Variants in LIMCH1 observed in about 807,000 individuals in gnomAD.
The protein encoded by LIMCH1 is LIM and calponin homology domains-containing protein 1.
In LIMCH1, 113 loss-of-function variants were observed where a neutral mutation model predicts 176.5. The ratio of observed to expected loss-of-function variants is 0.64; its 90% CI spans 0.55 to 0.75. LIMCH1 has a LOEUF of 0.75. Ranked by LOEUF, LIMCH1 falls within the 30% of genes least tolerant of loss-of-function variation. LIMCH1 has a pLI of 0.00. For missense variants in LIMCH1, 1,674 were observed against 1,814.9 expected (o/e 0.92, Z 1.41); for synonymous variants, 619 against 645.9 (o/e 0.96, Z 0.63).
chr4:41,661,235 C>T (rs2094606734), intron 18 of LIMCH1, among the ~76,000 whole-genome samples, 185 bp from the exon 19 acceptor site: 1 of 152,148 alleles, frequency 6.6e-6, no homozygotes, highest in South Asian at 2.1e-4. Flanking sequence ...CATGGGTGTC[C>T]TGTTCTCCAT....
chr4:41,396,362 T>G (rs13116757), intron 1 of LIMCH1, among the ~76,000 whole-genome samples: 60,003 of 151,956 alleles, frequency 0.39, 14,134 homozygotes, highest in African/African-American at 0.66. Context: ...CTACTAAACC[T>G]CTCTTCTTTA....
chr4:41,680,123 T>C (rs769325343), intron 24 of LIMCH1, 25 bp downstream of exon 24: 2 of 1,497,378 alleles, frequency 1.3e-6, no homozygotes, highest in South Asian at 1.2e-5. Context: ...AGAAGGAATT[T>C]GACCTTGTCA....
rs2094617533 is a variant in LIMCH1, at chr4:41,661,517, T to C, written c.3127+7T>C. On this transcript the variant is annotated splice_region_variant and intron_variant, in intron 19 of 31. Transcript: ENST00000503057. ...ATAGAACTTGCCTCATCAGGTTTGT[T>C]TCATAAGAGACTAGTTTTAAGGCAA... 1 of 1,572,408 alleles carries C rather than the reference T, an allele frequency of 6.4e-7. No homozygotes were observed. The highest frequency in any genetic ancestry group is 8.7e-7 in the Non-Finnish European group (1 of 1,143,866).
At chr4:41,597,560 C>A (rs1030058671) in intron 1 of LIMCH1, among the ~76,000 whole-genome samples, 5 of 152,162 alleles carry the variant, frequency 3.3e-5, no homozygotes, top group African/African-American at 7.2e-5. Context: ...CAGGGTCCTG[C>A]AGGACTGAAA....
intron 1 of LIMCH1, among the ~76,000 whole-genome samples, chr4:41,433,305 GA>G (rs982834298): frequency 1.3e-5 from 2 of 152,170 alleles, no homozygotes; most frequent in Non-Finnish European, 2.9e-5. Context: ...TTTTGGGGGG[GA>G]AACACTTGAA....
chr4:41,639,022 T>G, intron 14 of LIMCH1, 55 bp downstream of exon 14: 3 of 1,278,576 alleles, frequency 2.3e-6, no homozygotes, highest in South Asian at 1.4e-5. Context: ...AACTGCATGC[T>G]TCCAGTACTT....
chr4:41,458,583 G>A (rs2064902648), intron 1 of LIMCH1, among the ~76,000 whole-genome samples: 1 of 151,874 alleles, frequency 6.6e-6, no homozygotes. Context: ...AGACCATCCT[G>A]GCCAACATGG....
chr4:41,559,140 T>C (rs2081712624), intron 1 of LIMCH1, among the ~76,000 whole-genome samples: 1 of 152,206 alleles, frequency 6.6e-6, no homozygotes, highest in Non-Finnish European at 1.5e-5. Flanking sequence ...TGTTGTCTTT[T>C]AAATACAGTA....
intron 1 of LIMCH1, among the ~76,000 whole-genome samples, chr4:41,550,050 A>T (rs1487563252): frequency 6.6e-6 from 1 of 151,684 alleles, no homozygotes; most frequent in African/African-American, 2.4e-5. Flanking sequence ...TTACTTTTGT[A>T]CCAACCTAAT....
At chr4:41,498,372 A>T (rs1039541974) in intron 2 of LIMCH1, among the ~76,000 whole-genome samples, 1 of 152,236 alleles carries the variant, frequency 6.6e-6, no homozygotes, top group African/African-American at 2.4e-5. Context: ...ATACTAATAC[A>T]TAAATGTATA....
intron 21 of LIMCH1, 87 bp downstream of exon 21, chr4:41,666,753 C>A: frequency 1.2e-6 from 1 of 850,528 alleles, no homozygotes; most frequent in Non-Finnish European, 1.9e-6. Context: ...AGATTACGTC[C>A]TTTATGTTGC....
chr4:41,623,361 A>T (rs752487281), intron 7 of LIMCH1, among the ~76,000 whole-genome samples: 6 of 152,210 alleles, frequency 3.9e-5, no homozygotes, highest in African/African-American at 7.2e-5. Context: ...TGCAGAGATG[A>T]TTGAGATAAT....
At chr4:41,692,441 G>A (rs1586086134) in intron 31 of LIMCH1, 57 bp downstream of exon 31, 1 of 1,083,528 alleles carries the variant, frequency 9.2e-7, no homozygotes, top group Non-Finnish European at 1.4e-6. Flanking sequence ...GTCTTCCATA[G>A]GACCCAATTT....
intron 1 of LIMCH1, among the ~76,000 whole-genome samples, chr4:41,366,581 A>G (rs1399294570): frequency 1.3e-5 from 2 of 152,244 alleles, no homozygotes; most frequent in African/African-American, 2.4e-5. Context: ...AAAGGAAGGG[A>G]TAATAGAACT....
At chr4:41,605,818 G>A in intron 3 of LIMCH1, 76 bp from the exon 4 acceptor site, 3 of 828,972 alleles carry the variant, frequency 3.6e-6, no homozygotes, top group Admixed American at 2.0e-5. Context: ...CTTCCTGTTA[G>A]TGGTACATTA....
rs189894577 is a variant in LIMCH1 at position 41,458,067 on chromosome 4, C to T, written c.97-36469C>T. On this transcript the variant is annotated intron_variant, in intron 1 of 26. Coordinates refer to the LIMCH1 transcript ENST00000313860. ...TTGTAACACAAAGAAAGGATAAATG[C>T]TTGAGATGATGGACCCCATTTACCC... 1.1e-4 allele frequency among the ~76,000 whole-genome samples: 17 copies of T among 152,230 alleles called. No individual in the cohort carries two copies. The East Asian group carries it at 3.3e-3, about 29-fold the overall frequency.
At chr4:41,446,016 C>T (rs2063245713) in intron 1 of LIMCH1, among the ~76,000 whole-genome samples, 1 of 152,146 alleles carries the variant, frequency 6.6e-6, no homozygotes, top group South Asian at 2.1e-4. Flanking sequence ...CGAAGTTTCC[C>T]TAAAGGATTA....
At chr4:41,487,574 T>C (rs189889520) in intron 1 of LIMCH1, among the ~76,000 whole-genome samples, 30 of 152,266 alleles carry the variant, frequency 2.0e-4, no homozygotes, top group Admixed American at 7.2e-4. Context: ...TTTCAGTGGC[T>C]ATGCATTACA....
chr4:41,662,815 T>C lies in LIMCH1; in HGVS notation c.3128-6T>C, dbSNP rs368038838. The C allele has an allele frequency of 8.7e-6, 14 of 1,613,872 alleles. No individual in the cohort carries two copies. Among genetic ancestry groups the C allele is most frequent in the African/African-American group, 4.0e-5 (3 of 74,904 alleles). ...CTGTACGTTTCTGGATGTAACTCCA[T>C]TGCAGAACCACAGCATTTTACAACA... On this transcript the variant is annotated splice_region_variant and splice_polypyrimidine_tract_variant and intron_variant, in intron 19 of 31. Transcript: ENST00000503057.
Sources: allele counts gnomAD v4.1 joint callset (sites outside exome capture counted in the v4.1 genomes callset), GRCh38; gene constraint gnomAD v4.1.1; transcripts MANE v1.5; gene names NCBI Gene and HGNC (gene_info 2026-07-23, HGNC 2026-07-21).